Variants in CSMD2 observed in about 807,000 individuals in gnomAD.
CSMD2 encodes CUB and sushi domain-containing protein 2.
In CSMD2, 130 loss-of-function variants were observed where a neutral mutation model predicts 398.5. That is an observed-to-expected ratio of 0.33 (90% CI 0.28 to 0.38). CSMD2 has a LOEUF of 0.38. Ranked by LOEUF, CSMD2 falls within the 10% of genes least tolerant of loss-of-function variation. The pLI, the probability that CSMD2 is intolerant of heterozygous loss-of-function variation, is 1.00. For missense variants in CSMD2, 3,829 were observed against 4,764.9 expected, an observed-to-expected ratio of 0.80 and a Z score of 5.78; for synonymous variants, 1,828 against 1,908.5, an observed-to-expected ratio of 0.96 and a Z score of 1.10.
At chr1:33,840,375 C>G (rs1462427239) in intron 6 of CSMD2, among the ~76,000 whole-genome samples, 2 of 152,198 alleles carry the variant, frequency 1.3e-5, no homozygotes. Flanking sequence ...GTACCCAGGA[C>G]TTCACTCAAA....
At chr1:33,934,284 G>A (rs555961232) in intron 4 of CSMD2, among the ~76,000 whole-genome samples, 10 of 152,314 alleles carry the variant, frequency 6.6e-5, no homozygotes, top group South Asian at 6.2e-4. Flanking sequence ...AGAGATGAGC[G>A]TTACTAGAAG....
In CSMD2 at chr1:33,978,378, T is replaced by G. The variant is rs532110035; in HGVS notation, c.518-42424A>C. On this transcript the variant is annotated intron_variant, in intron 3 of 70. Transcript: ENST00000373381. ...ATTTAGCACCGTGTTCCAGGCTCTG[T>G]GAATCTCTGGGGATTCGGTGCTGAG... is the stretch of plus-strand genomic sequence containing the variant. 8.7e-4 allele frequency among the ~76,000 whole-genome samples: 133 copies of G among 152,288 alleles called. 4 individuals are homozygous for G. In the South Asian group the frequency reaches 0.027, roughly 31 times the overall value.
At chr1:33,637,808 C>CA (rs1642893939) in intron 29 of CSMD2, among the ~76,000 whole-genome samples, 1 of 152,106 alleles carries the variant, frequency 6.6e-6, no homozygotes, top group Non-Finnish European at 1.5e-5. Context: ...CTCAGAAATT[C>CA]AAAGAGTGGA....
chr1:33,729,371 C>T (rs1373853338), intron 15 of CSMD2, among the ~76,000 whole-genome samples: 2 of 151,880 alleles, frequency 1.3e-5, no homozygotes, highest in African/African-American at 4.8e-5. Flanking sequence ...CCTATTTAAT[C>T]ATTCTGTCCT....
chr1:34,162,586 C>T (rs1379612529), intron 1 of CSMD2, among the ~76,000 whole-genome samples: 1 of 152,070 alleles, frequency 6.6e-6, no homozygotes, highest in Admixed American at 6.6e-5. Context: ...GGGCTGGGCG[C>T]GGTGGCTCAC....
intron 3 of CSMD2, among the ~76,000 whole-genome samples, chr1:33,960,918 T>G (rs141517526): frequency 0.041 from 6,198 of 152,294 alleles, 149 homozygotes; most frequent in Non-Finnish European, 0.058. Context: ...AGGTGGGGTC[T>G]GAAGTGGGCC....
intron 50 of CSMD2, among the ~76,000 whole-genome samples, chr1:33,571,994 T>C (rs148013962): frequency 0.012 from 1,877 of 152,290 alleles, 140 homozygotes; most frequent in Admixed American, 0.12. Flanking sequence ...GAGTTGCATT[T>C]GATTAGATTT....
At chr1:33,617,072 T>C (rs1406348503) in intron 38 of CSMD2, 97 bp from the exon 39 acceptor site, 1 of 878,110 alleles carries the variant, frequency 1.1e-6, no homozygotes. Context: ...AGGGGCCTCA[T>C]GTTAAGGAAC....
At chr1:34,067,474 A>G (rs995755774) in intron 2 of CSMD2, among the ~76,000 whole-genome samples, 1 of 152,188 alleles carries the variant, frequency 6.6e-6, no homozygotes, top group African/African-American at 2.4e-5. Context: ...CGGCTTGTAC[A>G]TAAGAAACCA....
chr1:33,617,894 TCTTAGCTAGGGGG>T (rs1440862726), intron 37 of CSMD2, among the ~76,000 whole-genome samples: 7 of 152,094 alleles, frequency 4.6e-5, no homozygotes, highest in Non-Finnish European at 7.4e-5. Flanking sequence ...CTCACTGAGC[TCTTAGCTAGGGGG>T]CTTAGCTAGG....
chr1:33,868,882 T>G (rs1427344117), intron 5 of CSMD2: 1 of 151,906 alleles, frequency 6.6e-6, no homozygotes, highest in Non-Finnish European at 1.5e-5. Context: ...TGGTCAGAAG[T>G]TTTCTGCGGA....
intron 4 of CSMD2, among the ~76,000 whole-genome samples, chr1:33,935,547 G>A (rs948232818): frequency 6.6e-6 from 1 of 152,146 alleles, no homozygotes; most frequent in African/African-American, 2.4e-5. Context: ...GAAAAAATGA[G>A]GGAGTGCACA....
At chr1:34,124,090 T>C (rs1662492603) in intron 1 of CSMD2, among the ~76,000 whole-genome samples, 1 of 152,218 alleles carries the variant, frequency 6.6e-6, no homozygotes, top group Admixed American at 6.5e-5. Flanking sequence ...TAGTAAGTCA[T>C]GGTCCTGGGA....
At chr1:34,141,016 C>T (rs1564273) in intron 1 of CSMD2, among the ~76,000 whole-genome samples, 108,660 of 151,932 alleles carry the variant, frequency 0.72, 41,680 homozygotes, top group Non-Finnish European at 0.84. Flanking sequence ...TCATTTCCTC[C>T]TGTGAATATA....
At chr1:34,013,435 G>C (rs1647644840) in intron 3 of CSMD2, among the ~76,000 whole-genome samples, 1 of 152,144 alleles carries the variant, frequency 6.6e-6, no homozygotes, top group Non-Finnish European at 1.5e-5. Context: ...CAGCTCTCCT[G>C]AGACCCCAAA....
At chr1:33,566,165 T>C (rs1007938679) in intron 53 of CSMD2, among the ~76,000 whole-genome samples, 11 of 151,612 alleles carry the variant, frequency 7.3e-5, no homozygotes, top group African/African-American at 2.7e-4. Context: ...GAAAAGTCTT[T>C]GGAAATAAAG....
intron 6 of CSMD2, chr1:33,839,243 T>C (rs1473975179): frequency 6.6e-6 from 1 of 152,238 alleles, no homozygotes; most frequent in African/African-American, 2.4e-5. Flanking sequence ...CAGTTAATTG[T>C]ACCCACCTTA....
At chr1:33,587,232 T>A (rs1343445745) in intron 44 of CSMD2, 64 bp from the exon 45 acceptor site, 9 of 1,199,518 alleles carry the variant, frequency 7.5e-6, no homozygotes, top group Non-Finnish European at 1.1e-5. Context: ...CCGTCATTCA[T>A]TTGTTCAATT....
chr1:33,900,876 A>C (rs557956359), intron 5 of CSMD2, among the ~76,000 whole-genome samples: 2 of 152,356 alleles, frequency 1.3e-5, no homozygotes, highest in East Asian at 3.9e-4. Flanking sequence ...CAAAGTGATT[A>C]TACTGTTGAA....
Sources: allele counts gnomAD v4.1 joint callset (sites outside exome capture counted in the v4.1 genomes callset), GRCh38; gene constraint gnomAD v4.1.1; transcripts MANE v1.5; gene names NCBI Gene and HGNC (gene_info 2026-07-23, HGNC 2026-07-21).